Variants in ANAPC5 observed in about 807,000 individuals in gnomAD.
ANAPC5 encodes anaphase promoting complex subunit 5, also known as anaphase-promoting complex subunit 5.
In ANAPC5, 60 loss-of-function variants were observed where a neutral mutation model predicts 91.3. That is an observed-to-expected ratio of 0.66 (90% CI 0.53 to 0.81). The LOEUF (loss-of-function observed/expected upper bound fraction) is 0.81, where lower values mean the gene tolerates loss of function less well. ANAPC5 is among the 40% of genes least tolerant of loss of function. ANAPC5 has a pLI of 0.00. For missense variants in ANAPC5, 690 were observed against 931.5 expected (o/e 0.74, Z 3.37); for synonymous variants, 340 against 364.1 (o/e 0.93, Z 0.75).
chr12:121,346,235 T>G, intron 3 of ANAPC5: 6 of 466,254 alleles, frequency 1.3e-5, no homozygotes, highest in Non-Finnish European at 3.8e-6. Context: ...CAGGGCACAA[T>G]CTACCCACCC....
chr12:121,350,924 G>A (rs1903864686), intron 1 of ANAPC5: 1 of 334,068 alleles, frequency 3.0e-6, no homozygotes, highest in Non-Finnish European at 5.9e-6. Flanking sequence ...TGCCATATGT[G>A]AACACACTAA....
At chr12:121,352,644 A>G (rs1555275599), upstream of ANAPC5, among the ~76,000 whole-genome samples, 1 of 137,318 alleles carries the variant, frequency 7.3e-6, no homozygotes, top group Non-Finnish European at 1.6e-5. Flanking sequence ...TGGGAGGGGA[A>G]GTCGATGCTT....
chr12:121,350,680 C>A (rs1261821591), intron 1 of ANAPC5, among the ~76,000 whole-genome samples: 191 of 133,192 alleles, frequency 1.4e-3, no homozygotes, highest in South Asian at 2.6e-3. Context: ...GACTCCGTCT[C>A]AAAAAAAAAA....
At chr12:121,344,603 A>G (rs1250321680) in intron 4 of ANAPC5, among the ~76,000 whole-genome samples, 2 of 151,534 alleles carry the variant, frequency 1.3e-5, no homozygotes, top group South Asian at 2.1e-4. Context: ...AAAAAGAAAG[A>G]AAAAGAAAGT....
chr12:121,336,090 C>A (rs1183490192), intron 6 of ANAPC5, among the ~76,000 whole-genome samples: 4 of 152,198 alleles, frequency 2.6e-5, no homozygotes, highest in Admixed American at 2.0e-4. Context: ...AATTCATATA[C>A]AAATTATAAA....
At chr12:121,347,927 G>C (rs1555274857) in intron 1 of ANAPC5, 46 bp from the exon 2 acceptor site, 2 of 1,278,218 alleles carry the variant, frequency 1.6e-6, no homozygotes. Context: ...AAGAGCTGGA[G>C]ACTGATAAAG....
At chr12:121,352,718 T>TTGTTGTTGTTGTTGTTGGTGGTGGTGG (rs71079056), upstream of ANAPC5, among the ~76,000 whole-genome samples, 11 of 102,348 alleles carry the variant, frequency 1.1e-4, no homozygotes, top group African/African-American at 3.1e-4. Flanking sequence ...GTTGTTGTTG[T>TTGTTGTTGTTGTTGTTGGTGGTGGTGG]TGGTGGTGGT....
intron 11 of ANAPC5, among the ~76,000 whole-genome samples, chr12:121,325,522 T>G (rs1381188304): frequency 6.7e-6 from 1 of 148,868 alleles, no homozygotes; most frequent in African/African-American, 2.5e-5. Context: ...AAAAAAAGAA[T>G]TGAACCAAGA....
intron 16 of ANAPC5, 150 bp from the exon 17 acceptor site, chr12:121,308,841 G>A (rs887291012): frequency 2.8e-6 from 2 of 720,926 alleles, no homozygotes; most frequent in South Asian, 3.6e-5. Context: ...AAACCACTAG[G>A]GTGAGGTTTT....
At chr12:121,325,506 T>TAAAAAAAA (rs112149286) in intron 11 of ANAPC5, among the ~76,000 whole-genome samples, 1 of 62,070 alleles carries the variant, frequency 1.6e-5, no homozygotes, top group African/African-American at 2.8e-5. Flanking sequence ...AATTAAAAAT[T>TAAAAAAAA]AAAAAAAAAA....
Position 121,308,498 on chromosome 12 carries a change from G to C in ANAPC5, c.2250C>G (p.Pro750=). ...GTCCTCTCTAGAGATGGTTTATCAA[G>C]GGTACCCCATGAGAGGGCAGCTCCT... ...LHQELPSHGV[P]LINHL The change falls in exon 17 of 17, where the codon CCC becomes CCG. Residue 750 remains proline (P), a synonymous_variant. Coordinates refer to ENST00000261819, the MANE Select transcript of ANAPC5 (RefSeq NM_016237.5). 1 of 1,613,982 alleles carries C rather than the reference G, an allele frequency of 6.2e-7. No individual in the cohort carries two copies. The highest frequency in any genetic ancestry group is 8.5e-7 in the Non-Finnish European group (1 of 1,179,990).
Position 121,346,890 on chromosome 12 carries a change from T to C in ANAPC5, c.397+6A>G, listed in dbSNP as rs2136819524. ...ACTCTCTGCTCTTCTTAGAAGAGTT[T>C]CATACCTACTACACTTGTTTTGTGA... On this transcript the variant is annotated splice_donor_region_variant and intron_variant, in intron 3 of 16. Coordinates refer to ENST00000261819, the MANE Select transcript of ANAPC5 (RefSeq NM_016237.5). 1 of 1,573,802 alleles carries C rather than the reference T, an allele frequency of 6.4e-7. No individual in the cohort carries two copies. The highest frequency in any genetic ancestry group is 2.3e-5 in the East Asian group (1 of 44,058).
chr12:121,329,539 T>C (rs1902952429), intron 9 of ANAPC5, among the ~76,000 whole-genome samples: 1 of 152,146 alleles, frequency 6.6e-6, no homozygotes, highest in African/African-American at 2.4e-5. Flanking sequence ...ACAGAATGCT[T>C]AAGCAATCCC....
At chr12:121,341,601 A>C (rs1373406713) in intron 5 of ANAPC5, among the ~76,000 whole-genome samples, 1 of 152,232 alleles carries the variant, frequency 6.6e-6, no homozygotes, top group Non-Finnish European at 1.5e-5. Flanking sequence ...TGGTTAGATA[A>C]GTAATAAATA....
At chr12:121,347,215 G>C (rs1458022961) in intron 2 of ANAPC5, 1 of 505,690 alleles carries the variant, frequency 2.0e-6, no homozygotes, top group Admixed American at 3.9e-5. Flanking sequence ...CATAAAATTT[G>C]TCAAACTATC....
chr12:121,354,081 C>A (rs1324188679), upstream of ANAPC5, among the ~76,000 whole-genome samples: 1 of 151,476 alleles, frequency 6.6e-6, no homozygotes, highest in Non-Finnish European at 1.5e-5. Flanking sequence ...CTCTACCTCC[C>A]GGGTTCAAGC....
At chr12:121,345,042 T>A (rs995901775) in intron 4 of ANAPC5, among the ~76,000 whole-genome samples, 24 of 152,136 alleles carry the variant, frequency 1.6e-4, no homozygotes, top group African/African-American at 5.1e-4. Context: ...TGAGTAGATT[T>A]GGTAGAGATT....
chr12:121,332,709 C>T (rs1056781507), intron 7 of ANAPC5: 2 of 152,074 alleles, frequency 1.3e-5, no homozygotes, highest in Admixed American at 1.3e-4. Flanking sequence ...TTTACACAGG[C>T]CCATAGATCC....
At chr12:121,318,792 G>T (rs1056827323) in intron 13 of ANAPC5, among the ~76,000 whole-genome samples, 184 bp from the exon 14 acceptor site, 31 of 152,184 alleles carry the variant, frequency 2.0e-4, no homozygotes, top group Non-Finnish European at 3.7e-4. Flanking sequence ...AGGCCGAGGC[G>T]GGCGAATCAC....
Sources: gnomAD v4.1 joint callset for allele counts (sites outside exome capture counted in the v4.1 genomes callset) on GRCh38, gnomAD v4.1.1 for gene constraint, MANE v1.5 for transcripts, NCBI Gene and HGNC (gene_info 2026-07-23, HGNC 2026-07-21) for gene names.